Variants in CNTN5 observed in about 807,000 individuals in gnomAD.
The protein encoded by CNTN5 is contactin 5, also known as contactin-5.
In CNTN5, 77 loss-of-function variants were observed where a neutral mutation model predicts 129.1. The ratio of observed to expected loss-of-function variants is 0.60; its 90% confidence interval spans 0.50 to 0.72. The LOEUF (loss-of-function observed/expected upper bound fraction) is 0.72. Among genes scored for constraint, CNTN5 ranks in the 30% least tolerant of loss-of-function variants. CNTN5 has a pLI of 0.00. For synonymous variants in CNTN5, 509 were observed against 465.6 expected (o/e 1.09, Z -1.20); for missense variants, 1,478 against 1,328.8 (o/e 1.11, Z -1.75).
chr11:99,599,559 T>C (rs1002418483), intron 3 of CNTN5, among the ~76,000 whole-genome samples: 1 of 152,180 alleles, frequency 6.6e-6, no homozygotes, highest in Non-Finnish European at 1.5e-5. Flanking sequence ...TGTTATTACA[T>C]TATGTATTTT....
At chr11:99,388,306 T>C in intron 2 of CNTN5, among the ~76,000 whole-genome samples, 1 of 150,894 alleles carries the variant, frequency 6.6e-6, no homozygotes, top group Non-Finnish European at 1.5e-5. Context: ...TCCCAGCTAC[T>C]TGGGAGGCTG....
chr11:99,663,083 CAGTA>C lies in CNTN5; in HGVS notation c.55+106821_55+106824del, dbSNP rs368801949. ...AGTCATCTTCTAGCAGTGCAAAAGA[CAGTA>C]AGTAAGATGGTCTTACAGACAATAG... On this transcript the variant is annotated intron_variant, in intron 3 of 24. Coordinates refer to ENST00000524871, the MANE Select transcript of CNTN5 (RefSeq NM_014361.4). 1.3e-3 allele frequency among the ~76,000 whole-genome samples: 194 copies of C among 150,472 alleles called. 1 individual carries two copies. The highest frequency in any genetic ancestry group is 5.3e-3 in the East Asian group (27 of 5,128).
At chr11:99,474,777 C>T (rs1033419412) in intron 2 of CNTN5, among the ~76,000 whole-genome samples, 1 of 152,106 alleles carries the variant, frequency 6.6e-6, no homozygotes, top group Admixed American at 6.6e-5. Context: ...TTTTAGGTTT[C>T]CACATTTGGT....
rs375949254 is a variant in CNTN5 at position 99,804,008 on chromosome 11, G to T, written c.56-15536G>T. Reference sequence around the variant, plus strand: ...AAAAACTATGAGTAAACTCTTAGTGGGGTCTTTAAAGTCTTTTTTGTTTGT... The same window carrying T: ...AAAAACTATGAGTAAACTCTTAGTGTGGTCTTTAAAGTCTTTTTTGTTTGT... On this transcript the variant is annotated intron_variant, in intron 3 of 24. Coordinates refer to ENST00000524871, the MANE Select transcript of CNTN5 (RefSeq NM_014361.4). Among the ~76,000 whole-genome samples the T allele has an allele frequency of 2.6e-5, 4 of 152,186 alleles. No homozygotes were observed. In the East Asian group the frequency reaches 7.7e-4, roughly 29 times the overall value.
At chr11:99,958,707 A>G (rs1950864878) in intron 8 of CNTN5, among the ~76,000 whole-genome samples, 1 of 152,212 alleles carries the variant, frequency 6.6e-6, no homozygotes, top group Admixed American at 6.5e-5. Context: ...CTTTGAATTA[A>G]TTCTCTATAA....
chr11:99,050,202 A>G (rs1285016637), intron 1 of CNTN5, among the ~76,000 whole-genome samples: 1 of 152,118 alleles, frequency 6.6e-6, no homozygotes, highest in African/African-American at 2.4e-5. Flanking sequence ...TTCCTGATGA[A>G]ATGTATTGAC....
At chr11:99,376,704 T>A (rs1437423301) in intron 2 of CNTN5, among the ~76,000 whole-genome samples, 1 of 152,128 alleles carries the variant, frequency 6.6e-6, no homozygotes, top group Non-Finnish European at 1.5e-5. Context: ...ACCCCTAATG[T>A]GAGTACAAAG....
At position 100,101,969 on chromosome 11, in the gene CNTN5, CTGAT is replaced by C. The variant is rs539297947; in HGVS notation, c.1580+27678_1580+27681del. On this transcript the variant is annotated intron_variant, in intron 13 of 24. Transcript: ENST00000524871. ...AAACCTACCATATTTTCTTTGTCCA[CTGAT>C]TGGTTGATGAGCACTTACATTGGTT... Among the ~76,000 whole-genome samples, 5 of 152,206 alleles carry C rather than the reference CTGAT, an allele frequency of 3.3e-5. 1 individual carries two copies. In the East Asian group the frequency reaches 9.7e-4, roughly 29 times the overall value.
intron 9 of CNTN5, among the ~76,000 whole-genome samples, chr11:100,047,631 A>G (rs1425238658): frequency 1.3e-5 from 2 of 152,218 alleles, no homozygotes; most frequent in African/African-American, 4.8e-5. Context: ...TAATATGTTT[A>G]GTCATTGTGA....
intron 2 of CNTN5, among the ~76,000 whole-genome samples, chr11:99,474,880 C>T (rs1401962885): frequency 6.6e-6 from 1 of 152,084 alleles, no homozygotes; most frequent in African/African-American, 2.4e-5. Flanking sequence ...CTCATTAATT[C>T]TTATTATTTC....
intron 13 of CNTN5, among the ~76,000 whole-genome samples, chr11:100,110,119 G>A (rs924220616): frequency 2.0e-5 from 3 of 151,694 alleles, no homozygotes; most frequent in African/African-American, 4.8e-5. Context: ...CCCAGTGGGT[G>A]GAGGTTGCAG....
chr11:99,215,949 A>G (rs1860093738), intron 1 of CNTN5, among the ~76,000 whole-genome samples: 1 of 152,204 alleles, frequency 6.6e-6, no homozygotes, highest in Non-Finnish European at 1.5e-5. Context: ...GTTCTGATAC[A>G]GGAACACACT....
At chr11:99,868,108 C>T (rs1010481336) in intron 6 of CNTN5, among the ~76,000 whole-genome samples, 10 of 151,802 alleles carry the variant, frequency 6.6e-5, no homozygotes, top group Non-Finnish European at 8.8e-5. Context: ...CCCAGCTACT[C>T]GGGAAGATGA....
chr11:99,636,830 A>G (rs1470695329), intron 3 of CNTN5, among the ~76,000 whole-genome samples: 2 of 151,232 alleles, frequency 1.3e-5, no homozygotes, highest in Non-Finnish European at 2.9e-5. Flanking sequence ...CCTGGCCAAC[A>G]TGGTGAAACC....
intron 1 of CNTN5, among the ~76,000 whole-genome samples, chr11:99,245,084 T>C (rs565628774): frequency 2.4e-4 from 36 of 152,304 alleles, no homozygotes; most frequent in African/African-American, 8.4e-4. Flanking sequence ...ATGAGGCATA[T>C]GCAAAAAATT....
chr11:99,062,104 A>G (rs922694908), intron 1 of CNTN5, among the ~76,000 whole-genome samples: 4 of 152,166 alleles, frequency 2.6e-5, no homozygotes, highest in African/African-American at 9.7e-5. Flanking sequence ...TAGTGGAGTT[A>G]TTCAAGATGA....
At position 99,998,476 on chromosome 11, in the gene CNTN5, C is replaced by T. The variant is rs11222276; in HGVS notation, c.878-3558C>T. ...ATGTGAAGGACCTCTTCAAGGAGAA[C>T]TACAAACCACTGCTCAATGAAATAA... is the stretch of plus-strand genomic sequence containing the variant. On this transcript the variant is annotated intron_variant, in intron 8 of 24. Transcript: ENST00000524871. Among the ~76,000 whole-genome samples, 1,048 of 116,284 alleles carry T rather than the reference C, an allele frequency of 9.0e-3. 1 individual carries two copies. The highest frequency in any genetic ancestry group is 0.061 in the East Asian group (152 of 2,494). The allele number at this position is 116,284 out of a possible 152,430, so 76.3% of individuals were successfully genotyped here. A position where few individuals can be genotyped will look rare whatever the true frequency, so the allele number is the denominator to read the frequency against.
chr11:100,294,325 A>T (rs1179682073), intron 18 of CNTN5, among the ~76,000 whole-genome samples: 1 of 151,786 alleles, frequency 6.6e-6, no homozygotes, highest in African/African-American at 2.4e-5. Context: ...CTAAGGTAGT[A>T]CACTATATTT....
chr11:100,174,483 C>T (rs926575655), intron 13 of CNTN5, among the ~76,000 whole-genome samples: 25 of 152,028 alleles, frequency 1.6e-4, no homozygotes, highest in African/African-American at 5.1e-4. Flanking sequence ...GGTACATGCA[C>T]ACATGGAAGT....
Sources: gnomAD v4.1 joint callset for allele counts (sites outside exome capture counted in the v4.1 genomes callset) on GRCh38, gnomAD v4.1.1 for gene constraint, MANE v1.5 for transcripts, NCBI Gene and HGNC (gene_info 2026-07-23, HGNC 2026-07-21) for gene names.